WRAP53: variants seen among roughly 807,000 people sequenced by gnomAD.
WRAP53 encodes WD repeat containing antisense to TP53.
A neutral mutation model predicts 56.6 loss-of-function variants in WRAP53; 28 were observed. The observed-to-expected ratio is 0.50, with a 90% CI of 0.37 to 0.68. The LOEUF is 0.68. Among genes scored for constraint, WRAP53 ranks in the 30% least tolerant of loss-of-function variants. The probability of loss-of-function intolerance (pLI) is 0.00; values close to 1 mark genes in which losing one functional copy is unlikely to be tolerated. For missense variants in WRAP53, 671 were observed against 715.5 expected (o/e 0.94, Z 0.71); for synonymous variants, 283 against 283.4 (o/e 1.00, Z 0.01).
intron 4 of WRAP53, among the ~76,000 whole-genome samples, chr17:7,692,039 A>C (rs987061213): frequency 6.7e-6 from 1 of 149,936 alleles, no homozygotes; most frequent in African/African-American, 2.5e-5. Context: ...TGGGGGGTTC[A>C]TCATATTGGC....
chr17:7,690,134 A>G (rs1033716157), intron 4 of WRAP53, among the ~76,000 whole-genome samples: 2 of 152,218 alleles, frequency 1.3e-5, no homozygotes, highest in African/African-American at 4.8e-5. Flanking sequence ...GTTTTAGTAG[A>G]GACGGGGTTT....
intron 4 of WRAP53, among the ~76,000 whole-genome samples, chr17:7,699,520 A>T (rs1451070355): frequency 3.5e-4 from 8 of 22,580 alleles, no homozygotes; most frequent in African/African-American, 1.5e-3. Context: ...ATATATATAT[A>T]TTTATATATA....
intron 4 of WRAP53, among the ~76,000 whole-genome samples, chr17:7,691,209 A>AAAACAAACAAAC (rs56358570): frequency 2.5e-4 from 37 of 149,024 alleles, no homozygotes; most frequent in East Asian, 6.1e-4. Flanking sequence ...ACTCCATCCC[A>AAAACAAACAAAC]AAACAAACAA....
At chr17:7,691,682 G>A (rs745636492) in intron 4 of WRAP53, among the ~76,000 whole-genome samples, 3 of 151,772 alleles carry the variant, frequency 2.0e-5, no homozygotes, top group Non-Finnish European at 4.4e-5. Context: ...GAGCCACCGC[G>A]CCTGGCTTAA....
rs2074305481 is a variant in WRAP53 at position 7,703,491 on chromosome 17, G to A, written c.*5G>A. ...GGTGTGGGTGAGCTGATATAAAAAG[G>A]TTTTTATGATACTAGAGTCTTCGTG... On this transcript the variant is annotated 3_prime_UTR_variant, in exon 11 of 11. Transcript: ENST00000396463. The A allele has an allele frequency of 1.2e-6, 2 of 1,601,968 alleles. No individual in the cohort carries two copies. The highest frequency in any genetic ancestry group is 1.7e-6 in the Non-Finnish European group (2 of 1,174,262).
upstream of WRAP53, chr17:7,688,197 G>C (rs1383669673): frequency 5.4e-6 from 1 of 184,070 alleles, no homozygotes. Flanking sequence ...AGGCGGCGGG[G>C]GGGCGGTGCA....
chr17:7,695,448 C>T (rs1427346790), intron 4 of WRAP53, among the ~76,000 whole-genome samples: 1 of 152,154 alleles, frequency 6.6e-6, no homozygotes, highest in South Asian at 2.1e-4. Context: ...ACTTGCCCTG[C>T]CCCGTGGGTC....
intron 4 of WRAP53, among the ~76,000 whole-genome samples, chr17:7,698,551 G>T (rs2074216382): frequency 6.6e-6 from 1 of 152,136 alleles, no homozygotes; most frequent in Admixed American, 6.5e-5. Context: ...GAGCAACACA[G>T]ACCCCTGTTT....
upstream of WRAP53, chr17:7,687,103 G>A (rs961307291): frequency 2.6e-6 from 1 of 391,140 alleles, no homozygotes; most frequent in Non-Finnish European, 4.5e-6. Context: ...TACGCTTTAG[G>A]CCGGCTCAAG....
chr17:7,701,884 A>C lies in WRAP53; in HGVS notation c.955+95A>C. ...AGCCGGGGGCCACCTGTGGGGGTTC[A>C]CGCCGTCCTCTGTACGGCCCCGGGA... is the stretch of plus-strand genomic sequence containing the variant. On this transcript the variant is annotated intron_variant, in intron 7 of 10. Transcript: ENST00000396463. The surrounding 1 kb of genome is among the most constrained non-coding windows in gnomAD (Gnocchi z 4.2). 6.5e-7 allele frequency: 1 copy of C among 1,541,570 alleles called. No homozygotes were observed. Among genetic ancestry groups the C allele is most frequent in the South Asian group, 1.2e-5 (1 of 84,798 alleles).
chr17:7,700,336 C>T (rs764972008), intron 4 of WRAP53, among the ~76,000 whole-genome samples: 1 of 151,880 alleles, frequency 6.6e-6, no homozygotes, highest in African/African-American at 2.4e-5. Flanking sequence ...TTCTTCCTCT[C>T]TAAGTGTTTA....
chr17:7,699,458 T>TTATATATATATATATATTTATATATATA (rs1443296838), intron 4 of WRAP53, among the ~76,000 whole-genome samples: 1 of 39,870 alleles, frequency 2.5e-5, no homozygotes, highest in Non-Finnish European at 4.0e-5. Context: ...ATATATATAT[T>TTATATATATATATATATTTATATATATA]TATATATATA....
At chr17:7,700,405 G>C (rs1176690841) in intron 4 of WRAP53, among the ~76,000 whole-genome samples, 1 of 151,796 alleles carries the variant, frequency 6.6e-6, no homozygotes, top group Non-Finnish European at 1.5e-5. Context: ...AGCACTTTTG[G>C]AGGCTGAGGC....
chr17:7,693,006 G>T (rs1222446028), intron 4 of WRAP53, among the ~76,000 whole-genome samples: 1 of 151,518 alleles, frequency 6.6e-6, no homozygotes, highest in African/African-American at 2.4e-5. Context: ...CTCCCAAAGT[G>T]CTGGGATTAC....
chr17:7,696,067 A>T lies in WRAP53; in HGVS notation c.643-4674A>T, dbSNP rs559905752. ...ACCAGGGGCTATAGGAAAGAGGAACAGGGGCGCCTTGCTTAGCTGGAGGGG... is the reference window on the plus strand; with the variant it reads ...ACCAGGGGCTATAGGAAAGAGGAACTGGGGCGCCTTGCTTAGCTGGAGGGG... On this transcript the variant is annotated intron_variant, in intron 4 of 10. Coordinates refer to ENST00000396463, the MANE Select transcript of WRAP53 (RefSeq NM_001143992.2). 3.9e-5 allele frequency among the ~76,000 whole-genome samples: 6 copies of T among 152,210 alleles called. No individual in the cohort carries two copies. The South Asian group carries it at 1.2e-3, about 32-fold the overall frequency.
At chr17:7,687,604 G>T (rs1189631200), upstream of WRAP53, 2 of 398,774 alleles carry the variant, frequency 5.0e-6, no homozygotes, top group Non-Finnish European at 8.8e-6. Flanking sequence ...ACAAGTAAGG[G>T]CAAGTAATCC....
intron 4 of WRAP53, among the ~76,000 whole-genome samples, chr17:7,697,840 C>T (rs1597415089): frequency 6.7e-6 from 1 of 150,136 alleles, no homozygotes; most frequent in East Asian, 1.9e-4. Flanking sequence ...AAAAGTCTGG[C>T]AATACCAAGA....
At chr17:7,687,668 G>A (rs1597401191), upstream of WRAP53, 3 of 398,372 alleles carry the variant, frequency 7.5e-6, no homozygotes, top group South Asian at 4.0e-4. Context: ...GCAGAGTCAG[G>A]ATTCTCGCCG....
intron 4 of WRAP53, among the ~76,000 whole-genome samples, chr17:7,690,547 T>C (rs2074094189): frequency 6.6e-6 from 1 of 152,180 alleles, no homozygotes; most frequent in Non-Finnish European, 1.5e-5. Context: ...TGAAGGCTTC[T>C]GGAAAGAGCT....
Sources: allele counts gnomAD v4.1 joint callset (sites outside exome capture counted in the v4.1 genomes callset), GRCh38; gene constraint gnomAD v4.1.1; non-coding constraint Gnocchi (gnomAD v3.1); transcripts MANE v1.5; gene names NCBI Gene and HGNC (gene_info 2026-07-23, HGNC 2026-07-21).